Variants in CACNA1D observed in about 807,000 individuals in gnomAD.
The protein encoded by CACNA1D is calcium voltage-gated channel subunit alpha1 D.
In CACNA1D, 55 loss-of-function variants were observed where a neutral mutation model predicts 257.1. The ratio of observed to expected loss-of-function variants is 0.21; its 90% CI spans 0.17 to 0.27. The LOEUF (loss-of-function observed/expected upper bound fraction) is 0.27, where lower values mean the gene tolerates loss of function less well. Among genes scored for constraint, CACNA1D ranks in the 10% least tolerant of loss-of-function variants. The probability of loss-of-function intolerance (pLI) is 1.00; values close to 1 mark genes in which losing one functional copy is unlikely to be tolerated. For synonymous variants in CACNA1D, 980 were observed against 1,014.9 expected (o/e 0.97, Z 0.65); for missense variants, 1,876 against 2,784.0 (o/e 0.67, Z 7.34).
Position 53,676,151 on chromosome 3 carries a change from A to G in CACNA1D, c.1220+3025A>G, listed in dbSNP as rs73090225. On this transcript the variant is annotated intron_variant, in intron 8 of 47. Transcript: ENST00000350061. The stretch of plus-strand genomic sequence containing the variant: ...GTAGCCCATTTTGAAGCAGTGCAGA[A>G]GGGCACATATTCAGTAGAGGTGCAG... Among the ~76,000 whole-genome samples the G allele has an allele frequency of 7.0e-3, 1,064 of 152,256 alleles. 10 individuals are homozygous for G. The highest frequency in any genetic ancestry group is 0.011 in the Non-Finnish European group (721 of 68,028).
At chr3:53,696,715 G>A (rs56240152) in intron 8 of CACNA1D, among the ~76,000 whole-genome samples, 3,424 of 152,280 alleles carry the variant, frequency 0.022, 68 homozygotes, top group Non-Finnish European at 0.03. Context: ...CAGGTGGATG[G>A]AATTCTGTAG....
chr3:53,507,625 A>G (rs1269301714), intron 3 of CACNA1D, among the ~76,000 whole-genome samples: 1 of 152,194 alleles, frequency 6.6e-6, no homozygotes, highest in Non-Finnish European at 1.5e-5. Flanking sequence ...CTCAAAAATA[A>G]AGGAAAAAAA....
chr3:53,698,914 T>C (rs2108569657), intron 8 of CACNA1D, among the ~76,000 whole-genome samples: 1 of 152,298 alleles, frequency 6.6e-6, no homozygotes, highest in East Asian at 1.9e-4. Context: ...TAACAGTTGT[T>C]GGATTTTTAG....
chr3:53,810,351 T>G (rs1576752942), intron 47 of CACNA1D, 53 bp downstream of exon 47: 1 of 1,564,640 alleles, frequency 6.4e-7, no homozygotes. Context: ...GCAGCAGAGG[T>G]GCAACTGTAA....
chr3:53,607,842 G>T (rs1576068067), intron 3 of CACNA1D, among the ~76,000 whole-genome samples: 1 of 152,218 alleles, frequency 6.6e-6, no homozygotes, highest in Admixed American at 6.5e-5. Context: ...AATTATGTAT[G>T]TGTGTTTATT....
At chr3:53,643,079 G>T (rs2093979616) in intron 3 of CACNA1D, among the ~76,000 whole-genome samples, 1 of 152,182 alleles carries the variant, frequency 6.6e-6, no homozygotes, top group South Asian at 2.1e-4. Flanking sequence ...CTCAAACGGG[G>T]CAACACAGCT....
Position 53,727,325 on chromosome 3 carries a change from C to T in CACNA1D, c.2221+326C>T, listed in dbSNP as rs116440980. 3.2e-3 allele frequency among the ~76,000 whole-genome samples: 492 copies of T among 152,272 alleles called. 3 individuals carry two copies. The highest frequency in any genetic ancestry group is 0.011 in the African/African-American group (460 of 41,540). On this transcript the variant is annotated intron_variant, in intron 15 of 47. Transcript: ENST00000350061. ...GTACAGGTCCCGAGGGATGGCTGAG[C>T]GCAAGGCCAGGTGGTTCTTTATGTT...
At chr3:53,558,890 G>T (rs1278066258) in intron 3 of CACNA1D, among the ~76,000 whole-genome samples, 1 of 152,082 alleles carries the variant, frequency 6.6e-6, no homozygotes, top group Non-Finnish European at 1.5e-5. Context: ...TTCTTGCAGT[G>T]GTAAGTTTAG....
chr3:53,707,493 A>G (rs2094702999), intron 9 of CACNA1D, among the ~76,000 whole-genome samples: 1 of 152,226 alleles, frequency 6.6e-6, no homozygotes, highest in African/African-American at 2.4e-5. Context: ...TTGTGCATTC[A>G]TAGAATATTT....
At chr3:53,667,936 A>C (rs1358663005) in intron 7 of CACNA1D, among the ~76,000 whole-genome samples, 1 of 122,654 alleles carries the variant, frequency 8.2e-6, no homozygotes, top group Non-Finnish European at 1.9e-5. Flanking sequence ...TGGCTGAGCC[A>C]GGGGCATGGC....
chr3:53,647,682 G>A (rs189193641), intron 3 of CACNA1D, among the ~76,000 whole-genome samples: 18 of 152,302 alleles, frequency 1.2e-4, no homozygotes, highest in South Asian at 4.1e-4. Context: ...TCTCCTGAAC[G>A]ACGTTTTGCA....
intron 3 of CACNA1D, among the ~76,000 whole-genome samples, chr3:53,541,690 A>G (rs544793693): frequency 6.6e-6 from 1 of 152,162 alleles, no homozygotes; most frequent in Non-Finnish European, 1.5e-5. Context: ...TTTTCTTCAG[A>G]TGTTTCGTGA....
Position 53,786,947 on chromosome 3 carries a change from C to G in CACNA1D, c.4918C>G (p.Leu1640Val). The G allele has an allele frequency of 6.2e-7, 1 of 1,614,106 alleles. No individual in the cohort carries two copies. ...KYPAKNTTIALQAGLRTLHDI... is the reference protein window; with the variant it reads ...KYPAKNTTIAVQAGLRTLHDI... ...CCCTGCGAAGAACACCACAATTGCC[C>G]TACAGGTGAATTGTTGTCTCATTTT... The change falls in exon 40 of 48, where the codon CTA becomes GTA. Residue 1640 changes from leucine to valine, a missense_variant. Leu to Val is a conservative substitution (Grantham distance 32). Transcript: ENST00000350061.
Position 53,505,008 on chromosome 3 carries a change from C to T in CACNA1D, c.483+3288C>T, listed in dbSNP as rs34821065. Among the ~76,000 whole-genome samples the T allele has an allele frequency of 6.2e-4, 95 of 152,134 alleles. No individual in the cohort carries two copies. The East Asian group carries it at 0.015, about 24-fold the overall frequency. ...GGCTGCACTCACCTCTAAGCCATCT[C>T]TGAACCAGCACTAAGCGCCCGGAGG... is the stretch of plus-strand genomic sequence containing the variant. On this transcript the variant is annotated intron_variant, in intron 3 of 47. Coordinates refer to ENST00000350061, the MANE Select transcript of CACNA1D (RefSeq NM_001128840.3).
At chr3:53,629,203 C>T (rs567899956) in intron 3 of CACNA1D, among the ~76,000 whole-genome samples, 7 of 152,334 alleles carry the variant, frequency 4.6e-5, no homozygotes, top group African/African-American at 1.4e-4. Context: ...AATTTGCCAA[C>T]CCCTGGTTTA....
intron 30 of CACNA1D, among the ~76,000 whole-genome samples, chr3:53,764,619 C>A (rs1013863189): frequency 6.6e-6 from 1 of 152,204 alleles, no homozygotes; most frequent in African/African-American, 2.4e-5. Flanking sequence ...AGGGACAGCA[C>A]GCGCCCGGCT....
intron 35 of CACNA1D, among the ~76,000 whole-genome samples, chr3:53,776,370 TAAAACTGC>T (rs1158819712): frequency 1.3e-5 from 2 of 152,240 alleles, no homozygotes; most frequent in African/African-American, 4.8e-5. Context: ...AATGAAATTA[TAAAACTGC>T]AATGTGTTTC....
At chr3:53,674,984 C>T (rs1559499732) in intron 8 of CACNA1D, among the ~76,000 whole-genome samples, 1 of 152,226 alleles carries the variant, frequency 6.6e-6, no homozygotes, top group Non-Finnish European at 1.5e-5. Flanking sequence ...AGGCTTTAAT[C>T]GCATTTTTGG....
rs184012147 is a variant in CACNA1D at position 53,777,948 on chromosome 3, T to A, written c.4587+992T>A. ...AAATTCATACAGTCTGCATAGCAAC[T>A]AGTTCTTGCTCCTCATGGATCCAAG... On this transcript the variant is annotated intron_variant, in intron 37 of 47. Coordinates refer to ENST00000350061, the MANE Select transcript of CACNA1D (RefSeq NM_001128840.3). Among the ~76,000 whole-genome samples, 99 of 152,362 alleles carry A rather than the reference T, an allele frequency of 6.5e-4. 2 individuals are homozygous for A. The highest frequency in any genetic ancestry group is 6.1e-3 in the Admixed American group (93 of 15,308).
Sources: allele counts gnomAD v4.1 joint callset (sites outside exome capture counted in the v4.1 genomes callset), GRCh38; gene constraint gnomAD v4.1.1; transcripts MANE v1.5; gene names NCBI Gene and HGNC (gene_info 2026-07-23, HGNC 2026-07-21).